Variants in PLEKHA7 observed in about 807,000 individuals in gnomAD.
PLEKHA7 encodes the protein pleckstrin homology domain containing A7.
A neutral mutation model predicts 170.0 loss-of-function variants in PLEKHA7; 104 were observed. That is an observed-to-expected ratio of 0.61 (90% CI 0.52 to 0.72). The LOEUF (loss-of-function observed/expected upper bound fraction) is 0.72. Among genes scored for constraint, PLEKHA7 ranks in the 30% least tolerant of loss-of-function variants. The probability of loss-of-function intolerance (pLI) is 0.00; values close to 1 mark genes in which losing one functional copy is unlikely to be tolerated. For missense variants in PLEKHA7, 1,615 were observed against 1,671.7 expected, an observed-to-expected ratio of 0.97 and a Z score of 0.59; for synonymous variants, 648 against 660.8, an observed-to-expected ratio of 0.98 and a Z score of 0.30.
At chr11:16,980,037 T>C (rs4757467) in intron 3 of PLEKHA7, among the ~76,000 whole-genome samples, 100,529 of 152,030 alleles carry the variant, frequency 0.66, 33,752 homozygotes, top group East Asian at 0.96. Context: ...CGACCCACAG[T>C]AATGACCAAC....
chr11:17,011,480 T>G (rs1426933280), intron 3 of PLEKHA7, among the ~76,000 whole-genome samples: 1 of 152,180 alleles, frequency 6.6e-6, no homozygotes, highest in African/African-American at 2.4e-5. Context: ...CAAAACTACC[T>G]GGAAGATTTG....
intron 17 of PLEKHA7, among the ~76,000 whole-genome samples, chr11:16,799,364 G>A (rs969889734): frequency 6.6e-6 from 1 of 152,204 alleles, no homozygotes; most frequent in East Asian, 1.9e-4. Flanking sequence ...AGAAGGCAAT[G>A]CCACCAATAG....
intron 4 of PLEKHA7, among the ~76,000 whole-genome samples, chr11:16,857,771 CG>C (rs1853594278): frequency 6.6e-6 from 1 of 152,202 alleles, no homozygotes; most frequent in Admixed American, 6.5e-5. Context: ...CGGGCTGGAG[CG>C]CAGTGGCGCG....
intron 26 of PLEKHA7, 147 bp downstream of exon 26, chr11:16,782,607 G>T: frequency 9.9e-7 from 1 of 1,013,500 alleles, no homozygotes; most frequent in Non-Finnish European, 1.4e-6. Flanking sequence ...ACAGGATGCC[G>T]AGTGGTCAGG....
At chr11:16,939,740 G>C (rs915898472) in intron 3 of PLEKHA7, among the ~76,000 whole-genome samples, 8 of 152,066 alleles carry the variant, frequency 5.3e-5, no homozygotes, top group Admixed American at 1.3e-4. Context: ...AAACCAATTA[G>C]CTTGGCAACA....
chr11:16,968,958 T>C (rs983862768), intron 3 of PLEKHA7, among the ~76,000 whole-genome samples: 2 of 152,200 alleles, frequency 1.3e-5, no homozygotes, highest in African/African-American at 4.8e-5. Context: ...CCTACTTAAG[T>C]CCATTTAGGG....
chr11:16,958,605 C>T (rs1343699526), intron 3 of PLEKHA7, among the ~76,000 whole-genome samples: 3 of 152,130 alleles, frequency 2.0e-5, no homozygotes, highest in Non-Finnish European at 2.9e-5. Context: ...AAATTTTCTA[C>T]GGTCTAATAT....
At chr11:16,883,884 T>C (rs1374763921) in intron 3 of PLEKHA7, among the ~76,000 whole-genome samples, 1 of 152,260 alleles carries the variant, frequency 6.6e-6, no homozygotes, top group Non-Finnish European at 1.5e-5. Flanking sequence ...CAGTTCCTTT[T>C]CCTGCCTCCA....
intron 3 of PLEKHA7, among the ~76,000 whole-genome samples, chr11:16,907,210 G>T (rs1299633237): frequency 2.5e-5 from 2 of 81,166 alleles, no homozygotes; most frequent in Non-Finnish European, 4.5e-5. Context: ...GGAGGGAGGT[G>T]GGGGGGTCAT....
intron 3 of PLEKHA7, among the ~76,000 whole-genome samples, chr11:17,013,494 A>G (rs551154436): frequency 6.6e-6 from 1 of 152,132 alleles, no homozygotes; most frequent in East Asian, 1.9e-4. Context: ...CCGACTCTCC[A>G]AGACCATCCC....
intron 23 of PLEKHA7, chr11:16,786,972 T>C (rs1659473735): frequency 1.0e-6 from 1 of 985,346 alleles, no homozygotes; most frequent in Admixed American, 6.1e-5. Context: ...GACCCATCTA[T>C]TTGAGATAGA....
Position 16,892,535 on chromosome 11 carries a change from C to T in PLEKHA7, c.222-21353G>A, listed in dbSNP as rs7119909. 5.0e-3 allele frequency among the ~76,000 whole-genome samples: 763 copies of T among 151,252 alleles called. 3 individuals carry two copies. The highest frequency in any genetic ancestry group is 0.016 in the African/African-American group (669 of 41,204). ...GTCTCAGCTCACTGTAACCTCTACC[C>T]TACTGGCTCAAGTGATCCTCCCACC... On this transcript the variant is annotated intron_variant, in intron 3 of 26. Coordinates refer to ENST00000531066, the MANE Select transcript of PLEKHA7 (RefSeq NM_001329630.2).
At chr11:17,007,426 G>C (rs1001495270) in intron 3 of PLEKHA7, among the ~76,000 whole-genome samples, 2 of 151,974 alleles carry the variant, frequency 1.3e-5, no homozygotes, top group African/African-American at 4.8e-5. Context: ...GGGTTCAAGC[G>C]TTCCTCCTGG....
At chr11:16,870,045 A>G (rs1318682862) in intron 4 of PLEKHA7, among the ~76,000 whole-genome samples, 1 of 152,202 alleles carries the variant, frequency 6.6e-6, no homozygotes, top group African/African-American at 2.4e-5. Context: ...TTGGGAAAAC[A>G]CATCCTGCTT....
chr11:16,826,007 T>A, intron 10 of PLEKHA7, 113 bp downstream of exon 10: 1 of 1,042,788 alleles, frequency 9.6e-7, no homozygotes, highest in South Asian at 1.5e-5. Flanking sequence ...ACGTAGGTAA[T>A]GGCAGTAAAG....
At chr11:16,923,962 C>G (rs1356528468) in intron 3 of PLEKHA7, among the ~76,000 whole-genome samples, 1 of 152,144 alleles carries the variant, frequency 6.6e-6, no homozygotes, top group Non-Finnish European at 1.5e-5. Flanking sequence ...GGCTGAGTTT[C>G]ACAACTATTC....
At chr11:16,851,342 C>T (rs758829829) in intron 7 of PLEKHA7, 51 bp from the exon 8 acceptor site, 8 of 1,398,510 alleles carry the variant, frequency 5.7e-6, no homozygotes, top group Admixed American at 1.9e-5. Flanking sequence ...TTTCCCTGGG[C>T]TCATCTGTCC....
chr11:16,920,309 G>C (rs903699353), intron 3 of PLEKHA7, among the ~76,000 whole-genome samples: 1 of 152,162 alleles, frequency 6.6e-6, no homozygotes, highest in Non-Finnish European at 1.5e-5. Context: ...AGCTTCACCT[G>C]AATTTGTAGA....
rs975269142 is a variant in PLEKHA7 at position 17,011,517 on chromosome 11, G to A, written c.221+2472C>T. 3.3e-5 allele frequency among the ~76,000 whole-genome samples: 5 copies of A among 152,172 alleles called. No homozygotes were observed. The South Asian group carries it at 6.2e-4, about 19-fold the overall frequency. On this transcript the variant is annotated intron_variant, in intron 3 of 26. Coordinates refer to ENST00000531066, the MANE Select transcript of PLEKHA7 (RefSeq NM_001329630.2). ...CTAACTGACTCCCTGTCTTCACCCC[G>A]TGTTTTATCTTCCACCTACTCCAGT...
Sources: gnomAD v4.1 joint callset for allele counts (sites outside exome capture counted in the v4.1 genomes callset) on GRCh38, gnomAD v4.1.1 for gene constraint, MANE v1.5 for transcripts, NCBI Gene and HGNC (gene_info 2026-07-23, HGNC 2026-07-21) for gene names.